The following FOXN3 variants were observed in gnomAD, a reference collection of about 807,000 sequenced individuals.
FOXN3 encodes the protein forkhead box N3, also known as forkhead box protein N3.
FOXN3 carries 7 observed loss-of-function variants against 38.4 expected under a neutral mutation model. That is an observed-to-expected ratio of 0.18 (90% CI 0.10 to 0.34). The LOEUF is 0.34. Among genes scored for constraint, FOXN3 ranks in the 10% least tolerant of loss-of-function variants. The pLI is 1.00. For synonymous variants in FOXN3, 230 were observed against 242.2 expected, an observed-to-expected ratio of 0.95 and a Z score of 0.47; for missense variants, 456 against 613.4, an observed-to-expected ratio of 0.74 and a Z score of 2.71.
chr14:89,245,780 TAAAC>T (rs1466847756), intron 4 of FOXN3, among the ~76,000 whole-genome samples: 4 of 152,174 alleles, frequency 2.6e-5, no homozygotes, highest in African/African-American at 9.7e-5. Flanking sequence ...AGTGACTTGT[TAAAC>T]AAACAAACTC....
intron 1 of FOXN3, among the ~76,000 whole-genome samples, chr14:89,455,608 T>C (rs1892706094): frequency 6.6e-6 from 1 of 152,166 alleles, no homozygotes; most frequent in Non-Finnish European, 1.5e-5. Flanking sequence ...CACAGCCACG[T>C]AGCAGGCAGT....
intron 2 of FOXN3, among the ~76,000 whole-genome samples, chr14:89,365,530 A>T (rs1890114212): frequency 6.6e-6 from 1 of 152,220 alleles, no homozygotes; most frequent in Admixed American, 6.5e-5. Flanking sequence ...CTATCTAGCT[A>T]AATCGGTTTT....
At chr14:89,213,022 T>A (rs1473991925) in intron 4 of FOXN3, among the ~76,000 whole-genome samples, 1 of 138,194 alleles carries the variant, frequency 7.2e-6, no homozygotes, top group Non-Finnish European at 1.5e-5. Context: ...GGGAATTTCC[T>A]CATTTTGTTT....
chr14:89,163,141 G>T lies in FOXN3; in HGVS notation c.852-172C>A, dbSNP rs1887150733. 6.6e-6 allele frequency among the ~76,000 whole-genome samples: 1 copy of T among 152,184 alleles called. No homozygotes were observed. The highest frequency in any genetic ancestry group is 6.5e-5 in the Admixed American group (1 of 15,272). On this transcript the variant is annotated intron_variant, in intron 5 of 5. Transcript: ENST00000557258. The surrounding 1 kb of genome is among the most constrained non-coding windows in gnomAD (Gnocchi z 4.3). The stretch of plus-strand genomic sequence containing the variant: ...CAGGTGGATCTGCTTTGAAGGCAGG[G>T]TCCTAAATCCTGACACCTCAGTCTC...
chr14:89,358,639 G>A (rs1254013902), intron 2 of FOXN3, among the ~76,000 whole-genome samples: 1 of 152,150 alleles, frequency 6.6e-6, no homozygotes, highest in Admixed American at 6.5e-5. Context: ...CTATGCTTTG[G>A]GAACGTGTGA....
chr14:89,461,488 C>A (rs1281478464), intron 1 of FOXN3, among the ~76,000 whole-genome samples: 1 of 152,094 alleles, frequency 6.6e-6, no homozygotes, highest in Non-Finnish European at 1.5e-5. Context: ...CCATGACACA[C>A]AAAGAATATT....
chr14:89,182,324 T>C (rs1887695364), intron 4 of FOXN3, among the ~76,000 whole-genome samples: 1 of 152,242 alleles, frequency 6.6e-6, no homozygotes, highest in Non-Finnish European at 1.5e-5. Flanking sequence ...CATTCTGCAC[T>C]TCTTGCTAAT....
chr14:89,256,704 T>C (rs1237739580), intron 4 of FOXN3, among the ~76,000 whole-genome samples: 1 of 152,206 alleles, frequency 6.6e-6, no homozygotes, highest in Non-Finnish European at 1.5e-5. Context: ...TTTAAGGATG[T>C]GCATTATTGA....
intron 1 of FOXN3, among the ~76,000 whole-genome samples, chr14:89,542,517 C>G (rs1157798531): frequency 6.6e-6 from 1 of 152,192 alleles, no homozygotes; most frequent in Non-Finnish European, 1.5e-5. Flanking sequence ...CAAATAAACG[C>G]AACCTGAGGT....
At chr14:89,338,554 G>C (rs1182986645) in intron 3 of FOXN3, among the ~76,000 whole-genome samples, 2 of 152,204 alleles carry the variant, frequency 1.3e-5, no homozygotes, top group Admixed American at 1.3e-4. Context: ...AGCACTTTGG[G>C]AGGCCGAAGT....
intron 1 of FOXN3, among the ~76,000 whole-genome samples, chr14:89,577,848 T>A (rs1895666213): frequency 2.0e-5 from 3 of 152,150 alleles, no homozygotes; most frequent in Admixed American, 2.0e-4. Flanking sequence ...ACAACGGTGA[T>A]TAATAAAAAC....
At chr14:89,238,021 G>A (rs1885030270) in intron 4 of FOXN3, among the ~76,000 whole-genome samples, 1 of 152,206 alleles carries the variant, frequency 6.6e-6, no homozygotes, top group African/African-American at 2.4e-5. Flanking sequence ...TTAAGTCAGT[G>A]TATTTCCAAC....
chr14:89,418,754 AC>A (rs869286298), upstream of FOXN3, among the ~76,000 whole-genome samples: 2 of 147,644 alleles, frequency 1.4e-5, no homozygotes, highest in South Asian at 4.6e-4. Context: ...GACAATGTGT[AC>A]CCTGCTTTCC....
chr14:89,588,007 T>C lies in FOXN3; in HGVS notation c.-15+31021A>G, dbSNP rs758410162. Reference sequence around the variant, plus strand: ...TGTCCCCTCTAAATCTCATGTCAAATTGTAATCCCCAGTGTTGGAGATGGA... The same window carrying C: ...TGTCCCCTCTAAATCTCATGTCAAACTGTAATCCCCAGTGTTGGAGATGGA... On this transcript the variant is annotated intron_variant, in intron 1 of 6. Transcript: ENST00000345097. Among the ~76,000 whole-genome samples, 4 of 152,026 alleles carry C rather than the reference T, an allele frequency of 2.6e-5. No individual in the cohort carries two copies. The South Asian group carries it at 8.3e-4, about 32-fold the overall frequency.
At chr14:89,348,877 T>C (rs1024592289) in intron 3 of FOXN3, among the ~76,000 whole-genome samples, 2 of 152,164 alleles carry the variant, frequency 1.3e-5, no homozygotes, top group African/African-American at 4.8e-5. Context: ...TCCTCTATAA[T>C]CCTTCGAATT....
rs531677247 is a variant in FOXN3, at chr14:89,301,917, A to C, written c.681-20903T>G. Among the ~76,000 whole-genome samples the C allele has an allele frequency of 3.3e-5, 5 of 151,982 alleles. No individual in the cohort carries two copies. In the East Asian group the frequency reaches 9.7e-4, roughly 30 times the overall value. On this transcript the variant is annotated intron_variant, in intron 3 of 5. Coordinates refer to ENST00000557258, the MANE Select transcript of FOXN3 (RefSeq NM_005197.4). ...GCCCGACCTCAAAGGTACCCTGTCT[A>C]CTCACTCCTTTCCCGGTGACCTCTG...
At chr14:89,302,015 T>C (rs972254423) in intron 3 of FOXN3, among the ~76,000 whole-genome samples, 9 of 152,132 alleles carry the variant, frequency 5.9e-5, no homozygotes, top group Admixed American at 5.2e-4. Flanking sequence ...CTGTCCCACG[T>C]GTCCCTCTCT....
intron 1 of FOXN3, among the ~76,000 whole-genome samples, chr14:89,513,150 G>A (rs373753832): frequency 7.1e-4 from 72 of 102,046 alleles, no homozygotes; most frequent in South Asian, 1.2e-3. Context: ...TCCATCTCAG[G>A]AAAAAAAAAA....
chr14:89,317,590 C>T (rs190541446), intron 3 of FOXN3, among the ~76,000 whole-genome samples: 1 of 152,074 alleles, frequency 6.6e-6, no homozygotes, highest in African/African-American at 2.4e-5. Flanking sequence ...TTCACTTATA[C>T]GACTGTCTCT....
Sources: gnomAD v4.1 joint callset for allele counts (sites outside exome capture counted in the v4.1 genomes callset) on GRCh38, gnomAD v4.1.1 for gene constraint, Gnocchi (gnomAD v3.1) non-coding constraint, MANE v1.5 for transcripts, NCBI Gene and HGNC (gene_info 2026-07-23, HGNC 2026-07-21) for gene names.